MAGI2: variants seen among roughly 807,000 people sequenced by gnomAD.
The protein encoded by MAGI2 is membrane associated guanylate kinase, WW and PDZ domain containing 2.
MAGI2 carries 35 observed loss-of-function variants against 133.3 expected under a neutral mutation model. The ratio of observed to expected loss-of-function variants is 0.26; its 90% confidence interval spans 0.20 to 0.35. MAGI2 has a LOEUF of 0.35. MAGI2 is among the 10% of genes least tolerant of loss of function. The pLI is 1.00. For missense variants in MAGI2, 1,636 were observed against 1,863.4 expected (o/e 0.88, Z 2.25); for synonymous variants, 729 against 710.6 (o/e 1.03, Z -0.41).
intron 3 of MAGI2, among the ~76,000 whole-genome samples, chr7:78,580,938 G>T (rs6977342): frequency 6.6e-6 from 1 of 152,090 alleles, no homozygotes; most frequent in African/African-American, 2.4e-5. Context: ...AAATGCAGAT[G>T]ACGACAGATC....
At chr7:78,968,900 G>T (rs77677844) in intron 2 of MAGI2, among the ~76,000 whole-genome samples, 4,003 of 152,116 alleles carry the variant, frequency 0.026, 173 homozygotes, top group African/African-American at 0.091. Flanking sequence ...AAATTATTTT[G>T]CAGTTAGAAA....
At position 78,757,370 on chromosome 7, in the gene MAGI2, A is replaced by G. The variant is rs182669021; in HGVS notation, c.419-130131T>C. Reference sequence around the variant, plus strand: ...TCTTCTCTCTTAAATCATTCTCTTTAACACACAAGCATGCTAAAATTTTTC... The same window carrying G: ...TCTTCTCTCTTAAATCATTCTCTTTGACACACAAGCATGCTAAAATTTTTC... On this transcript the variant is annotated intron_variant, in intron 2 of 21. Transcript: ENST00000354212. Among the ~76,000 whole-genome samples, 256 of 150,812 alleles carry G rather than the reference A, an allele frequency of 1.7e-3. 1 individual carries two copies. The highest frequency in any genetic ancestry group is 2.9e-3 in the Non-Finnish European group (195 of 67,760).
chr7:78,805,254 A>G (rs1788474991), intron 2 of MAGI2, among the ~76,000 whole-genome samples: 1 of 149,362 alleles, frequency 6.7e-6, no homozygotes, highest in African/African-American at 2.5e-5. Flanking sequence ...TTGAAGGAAG[A>G]GTAAAAAAAA....
At position 79,171,756 on chromosome 7, in the gene MAGI2, A is replaced by ATATATG. The variant is rs1256316037; in HGVS notation, c.302-164551_302-164550insCATATA. Among the ~76,000 whole-genome samples the ATATATG allele has an allele frequency of 2.9e-4, 9 of 30,894 alleles. 1 individual carries two copies. Among genetic ancestry groups the ATATATG allele is most frequent in the Non-Finnish European group, 9.2e-4 (9 of 9,804 alleles). The allele number at this position is 30,894 out of a possible 152,430, so 20.3% of individuals were successfully genotyped here. A position where few individuals can be genotyped will look rare whatever the true frequency, so the allele number is the denominator to read the frequency against. The stretch of plus-strand genomic sequence containing the variant: ...ACAATAGCCAAAAATATATATATAT[A>ATATATG]TATATATATATATATTTTTTTTTTT... On this transcript the variant is annotated intron_variant, in intron 1 of 21. Transcript: ENST00000354212.
intron 6 of MAGI2, among the ~76,000 whole-genome samples, 184 bp from the exon 7 acceptor site, chr7:78,369,397 A>G (rs1191396911): frequency 6.6e-6 from 1 of 152,112 alleles, no homozygotes; most frequent in Non-Finnish European, 1.5e-5. Context: ...GAAAACTGGC[A>G]GTTAAAACAC....
At chr7:78,920,616 T>A (rs1179589958) in intron 2 of MAGI2, among the ~76,000 whole-genome samples, 1 of 152,172 alleles carries the variant, frequency 6.6e-6, no homozygotes, top group Non-Finnish European at 1.5e-5. Flanking sequence ...ACCTACTGTG[T>A]CTGGTTTAGT....
At chr7:78,211,345 T>C (rs1418770824) in intron 10 of MAGI2, among the ~76,000 whole-genome samples, 1 of 152,090 alleles carries the variant, frequency 6.6e-6, no homozygotes, top group Non-Finnish European at 1.5e-5. Context: ...GAGGCAAAGA[T>C]AGAAACAGGA....
At chr7:78,767,708 G>C (rs1459325964) in intron 2 of MAGI2, among the ~76,000 whole-genome samples, 1 of 152,196 alleles carries the variant, frequency 6.6e-6, no homozygotes, top group Non-Finnish European at 1.5e-5. Flanking sequence ...AATTCAGTTA[G>C]AGTAAAATAT....
At chr7:78,422,334 C>A (rs1243362889) in intron 6 of MAGI2, among the ~76,000 whole-genome samples, 2 of 152,094 alleles carry the variant, frequency 1.3e-5, no homozygotes, top group Non-Finnish European at 2.9e-5. Context: ...GTATTGTACA[C>A]TTAAAATTGT....
At position 78,329,526 on chromosome 7, in the gene MAGI2, T is replaced by A. The variant is rs575959483; in HGVS notation, c.1408+14252A>T. 3.9e-5 allele frequency among the ~76,000 whole-genome samples: 6 copies of A among 152,356 alleles called. No individual in the cohort carries two copies. In the East Asian group the frequency reaches 1.2e-3, roughly 29 times the overall value. On this transcript the variant is annotated intron_variant, in intron 9 of 21. Coordinates refer to ENST00000354212, the MANE Select transcript of MAGI2 (RefSeq NM_012301.4). ...TTCACCGAGCACTTGCAAACCCATA[T>A]GACAAGCTATAGGAATATGCACCAA... is the stretch of plus-strand genomic sequence containing the variant.
chr7:78,326,076 GGCATAACAGACAA>G (rs1376071610), intron 9 of MAGI2, among the ~76,000 whole-genome samples: 2 of 152,096 alleles, frequency 1.3e-5, no homozygotes, highest in African/African-American at 4.8e-5. Flanking sequence ...CTAGGCTTCA[GGCATAACAGACAA>G]GCTGATGGTT....
chr7:78,958,857 C>T (rs1802618662), intron 2 of MAGI2, among the ~76,000 whole-genome samples: 1 of 152,116 alleles, frequency 6.6e-6, no homozygotes, highest in African/African-American at 2.4e-5. Flanking sequence ...TTTTTATAAA[C>T]AAAAGCTTAA....
chr7:78,209,524 G>A (rs1338685895), intron 10 of MAGI2, among the ~76,000 whole-genome samples: 1 of 151,994 alleles, frequency 6.6e-6, no homozygotes. Flanking sequence ...GCTTCCCAAA[G>A]TGCTGGGATT....
At chr7:78,561,223 T>C (rs150179055) in intron 3 of MAGI2, among the ~76,000 whole-genome samples, 2 of 152,160 alleles carry the variant, frequency 1.3e-5, no homozygotes, top group East Asian at 3.9e-4. Context: ...GAAGGGATGG[T>C]AGGTAGGTGT....
rs1025398391 is a variant in MAGI2, at chr7:79,291,111, T to C, written c.301+161909A>G. Among the ~76,000 whole-genome samples the C allele has an allele frequency of 9.5e-5, 12 of 126,310 alleles. No homozygotes were observed. In the East Asian group the frequency reaches 2.4e-3, roughly 26 times the overall value. 82.9% of individuals were successfully genotyped at this position (126,310 alleles called of 152,430 possible). On this transcript the variant is annotated intron_variant, in intron 1 of 21. Coordinates refer to ENST00000354212, the MANE Select transcript of MAGI2 (RefSeq NM_012301.4). ...TTCCAGTCCTTGGCAAATACTAATG[T>C]ACTTTTTGTCTCTGTGGATTTTCCT...
At chr7:78,714,407 T>A (rs1391634990) in intron 2 of MAGI2, among the ~76,000 whole-genome samples, 1 of 152,210 alleles carries the variant, frequency 6.6e-6, no homozygotes, top group Non-Finnish European at 1.5e-5. Flanking sequence ...ACTCGGTGCA[T>A]GCCCAGACAG....
chr7:79,184,571 G>GA, intron 1 of MAGI2, among the ~76,000 whole-genome samples: 1 of 151,532 alleles, frequency 6.6e-6, no homozygotes, highest in East Asian at 1.9e-4. Context: ...AGTAATAGGA[G>GA]AAAAAAAGGC....
At chr7:78,423,609 A>G (rs1226237556) in intron 6 of MAGI2, among the ~76,000 whole-genome samples, 1 of 152,184 alleles carries the variant, frequency 6.6e-6, no homozygotes, top group Non-Finnish European at 1.5e-5. Flanking sequence ...GGAACTTCCT[A>G]GAGACTTGTT....
chr7:78,040,839 G>C (rs927579226), intron 21 of MAGI2, among the ~76,000 whole-genome samples: 141 of 152,172 alleles, frequency 9.3e-4, no homozygotes, highest in African/African-American at 3.3e-3. Context: ...CCATTAAGGG[G>C]CTAACTGGAG....
Sources: allele counts gnomAD v4.1 joint callset (sites outside exome capture counted in the v4.1 genomes callset), GRCh38; gene constraint gnomAD v4.1.1; transcripts MANE v1.5; gene names NCBI Gene and HGNC (gene_info 2026-07-23, HGNC 2026-07-21).